Variants in STPG2 observed in about 807,000 individuals in gnomAD.
STPG2 encodes sperm tail PG-rich repeat containing 2.
A neutral mutation model predicts 54.2 loss-of-function variants in STPG2; 56 were observed. That is an observed-to-expected ratio of 1.03 (90% CI 0.83 to 1.29). The LOEUF (loss-of-function observed/expected upper bound fraction) is 1.29. Among genes scored for constraint, STPG2 ranks in the 50% most tolerant of loss-of-function variants. The probability of loss-of-function intolerance (pLI) is 0.00; values close to 1 mark genes in which losing one functional copy is unlikely to be tolerated. For missense variants in STPG2, 596 were observed against 544.9 expected (o/e 1.09, Z -0.93); for synonymous variants, 200 against 181.8 (o/e 1.10, Z -0.81).
chr4:98,091,678 T>C (rs140937405), intron 5 of STPG2, among the ~76,000 whole-genome samples: 31 of 145,432 alleles, frequency 2.1e-4, no homozygotes, highest in African/African-American at 7.4e-4. Flanking sequence ...CAGCATATAA[T>C]AGGTGTTCAA....
chr4:97,813,869 A>C (rs1318766490), intron 9 of STPG2, among the ~76,000 whole-genome samples: 2 of 151,988 alleles, frequency 1.3e-5, no homozygotes, highest in Admixed American at 6.6e-5. Context: ...AAAATTGAGA[A>C]TCCTGCTAAT....
intron 5 of STPG2, among the ~76,000 whole-genome samples, chr4:97,997,569 T>A (rs1735283030): frequency 6.6e-6 from 1 of 152,188 alleles, no homozygotes; most frequent in Non-Finnish European, 1.5e-5. Flanking sequence ...CTTTCCAACA[T>A]TGGAAATTAC....
At chr4:97,590,621 A>G (rs1466876943) in intron 10 of STPG2, among the ~76,000 whole-genome samples, 2 of 135,836 alleles carry the variant, frequency 1.5e-5, no homozygotes, top group East Asian at 4.1e-4. Context: ...TTTGGCCTAC[A>G]TACACACAGA....
intron 10 of STPG2, among the ~76,000 whole-genome samples, chr4:97,566,563 C>G (rs1182090277): frequency 6.6e-6 from 1 of 152,170 alleles, no homozygotes; most frequent in Non-Finnish European, 1.5e-5. Context: ...GGCGCTGTTC[C>G]TATTTGGCCA....
At chr4:97,682,516 T>C (rs766181193) in intron 10 of STPG2, among the ~76,000 whole-genome samples, 3 of 151,816 alleles carry the variant, frequency 2.0e-5, no homozygotes, top group Non-Finnish European at 3.0e-5. Context: ...ATGAATAATA[T>C]CCTATTTGCA....
intron 9 of STPG2, among the ~76,000 whole-genome samples, chr4:97,824,725 A>G (rs534938190): frequency 1.3e-5 from 2 of 152,312 alleles, no homozygotes; most frequent in African/African-American, 4.8e-5. Context: ...AGACTTCACA[A>G]GCTCAAAATT....
At chr4:97,542,247 TACAAA>T (rs1731728486) in intron 4 of STPG2, among the ~76,000 whole-genome samples, 1 of 152,128 alleles carries the variant, frequency 6.6e-6, no homozygotes, top group South Asian at 2.1e-4. Context: ...ATCCAGAATC[TACAAA>T]GAACTCAAAC....
At chr4:97,703,556 T>C (rs1255292342) in intron 10 of STPG2, among the ~76,000 whole-genome samples, 1 of 140,554 alleles carries the variant, frequency 7.1e-6, no homozygotes, top group Non-Finnish European at 1.5e-5. Context: ...TAATATACTA[T>C]ATATACTATT....
At chr4:97,866,526 T>C (rs1046789614) in intron 8 of STPG2, among the ~76,000 whole-genome samples, 5 of 97,732 alleles carry the variant, frequency 5.1e-5, no homozygotes, top group Non-Finnish European at 4.2e-5. Context: ...GTAAATTCTT[T>C]TTGAAAAAAA....
At chr4:97,775,064 C>T (rs541862411) in intron 9 of STPG2, among the ~76,000 whole-genome samples, 24 of 152,122 alleles carry the variant, frequency 1.6e-4, no homozygotes, top group African/African-American at 5.3e-4. Context: ...TTCTGATTAC[C>T]GGAAATTGAA....
chr4:98,128,158 T>C (rs1021427336), intron 3 of STPG2, among the ~76,000 whole-genome samples: 1 of 152,162 alleles, frequency 6.6e-6, no homozygotes, highest in Non-Finnish European at 1.5e-5. Context: ...CCCTAGAGGA[T>C]GACAGAAGCA....
intron 8 of STPG2, among the ~76,000 whole-genome samples, chr4:97,896,036 C>T (rs1730941415): frequency 6.6e-6 from 1 of 151,796 alleles, no homozygotes; most frequent in Non-Finnish European, 1.5e-5. Context: ...TTCTCTGAGT[C>T]TGTAAGCCCA....
At chr4:97,671,290 G>A (rs1226899025) in intron 10 of STPG2, among the ~76,000 whole-genome samples, 2 of 152,136 alleles carry the variant, frequency 1.3e-5, no homozygotes, top group Non-Finnish European at 2.9e-5. Flanking sequence ...TATTTAGATA[G>A]GAAATGTGAC....
At chr4:97,822,479 G>A (rs1156425791) in intron 9 of STPG2, among the ~76,000 whole-genome samples, 2 of 152,184 alleles carry the variant, frequency 1.3e-5, no homozygotes, top group African/African-American at 2.4e-5. Context: ...TCATTTAAAG[G>A]TTATCTTTAT....
intron 4 of STPG2, among the ~76,000 whole-genome samples, chr4:97,505,347 A>G (rs1053163563): frequency 4.6e-5 from 7 of 151,962 alleles, no homozygotes; most frequent in Admixed American, 3.3e-4. Flanking sequence ...GCAAATATGT[A>G]CTTTTTAAGA....
chr4:98,137,055 G>A (rs914589625), intron 1 of STPG2, among the ~76,000 whole-genome samples: 16 of 151,678 alleles, frequency 1.1e-4, no homozygotes, highest in Non-Finnish European at 2.2e-4. Context: ...GTTAAAAGGC[G>A]GAGATTGTCA....
At chr4:97,776,349 G>A (rs991731671) in intron 9 of STPG2, among the ~76,000 whole-genome samples, 1 of 152,122 alleles carries the variant, frequency 6.6e-6, no homozygotes, top group African/African-American at 2.4e-5. Flanking sequence ...CAACCAATAA[G>A]TAACAAAGCT....
chr4:97,729,063 T>TAATTTCTCTCTCTCTCTCTCTCTCTC lies in STPG2; in HGVS notation c.1205-16250_1205-16249insGAGAGAGAGAGAGAGAGAGAGAAATT, dbSNP rs1724710920. ...CCACTGATGACAAGGCCCCAAGAAT[T>TAATTTCTCTCTCTCTCTCTCTCTCTC]TCTCTCTCTCTCTCTCTCTCTCTCT... On this transcript the variant is annotated intron_variant, in intron 9 of 10. Transcript: ENST00000295268. 5.6e-5 allele frequency among the ~76,000 whole-genome samples: 7 copies of TAATTTCTCTCTCTCTCTCTCTCTCTC among 124,838 alleles called. No homozygotes were observed. In the Admixed American group the frequency reaches 6.4e-4, roughly 11 times the overall value. 81.9% of individuals were successfully genotyped at this position (124,838 alleles called of 152,430 possible). A position where few individuals can be genotyped will look rare whatever the true frequency, so the allele number is the denominator to read the frequency against.
At chr4:97,863,408 ATC>A (rs1181948009) in intron 8 of STPG2, among the ~76,000 whole-genome samples, 1 of 152,206 alleles carries the variant, frequency 6.6e-6, no homozygotes, top group Non-Finnish European at 1.5e-5. Flanking sequence ...AAGAAGTTGA[ATC>A]TCTGAATAGA....
Sources: allele counts gnomAD v4.1 joint callset (sites outside exome capture counted in the v4.1 genomes callset), GRCh38; gene constraint gnomAD v4.1.1; transcripts MANE v1.5; gene names NCBI Gene and HGNC (gene_info 2026-07-23, HGNC 2026-07-21).